The following BPIFB6 variants were observed in gnomAD, a reference collection of about 807,000 sequenced individuals.
The protein encoded by BPIFB6 is BPI fold containing family B member 6.
Under a neutral mutation model 54.7 loss-of-function variants are expected in BPIFB6, and 47 were observed. The ratio of observed to expected loss-of-function variants is 0.86; its 90% CI spans 0.68 to 1.10. The LOEUF (loss-of-function observed/expected upper bound fraction) is 1.10. BPIFB6 is among the 50% of genes least tolerant of loss of function. The pLI, the probability that BPIFB6 is intolerant of heterozygous loss-of-function variation, is 0.00. For missense variants in BPIFB6, 603 were observed against 564.1 expected, an observed-to-expected ratio of 1.07 and a Z score of -0.70; for synonymous variants, 255 against 225.9, an observed-to-expected ratio of 1.13 and a Z score of -1.16.
chr20:33,032,837 C>T, intron 1 of BPIFB6, 147 bp from the exon 2 acceptor site: 1 of 612,630 alleles, frequency 1.6e-6, no homozygotes. Flanking sequence ...ACTCCATCTT[C>T]CCCCATTAGG....
Position 33,042,035 on chromosome 20 carries a change from TTGCC to T in BPIFB6, c.1188+23_1188+26del. On this transcript the variant is annotated intron_variant, in intron 12 of 14. Transcript: ENST00000349552. ...TTCAATGTAAGTGTCCCAAGTGCTCTTGCCTGTCCGGCGTGAGGACAAGACTGGG... is the reference window on the plus strand; with the variant it reads ...TTCAATGTAAGTGTCCCAAGTGCTCTTGTCCGGCGTGAGGACAAGACTGGG... 1 of 1,611,504 alleles carries T rather than the reference TTGCC, an allele frequency of 6.2e-7. No individual in the cohort carries two copies. The highest frequency in any genetic ancestry group is 2.2e-5 in the East Asian group (1 of 44,860).
chr20:33,033,004 G>A lies in BPIFB6; in HGVS notation c.118G>A (p.Glu40Lys), dbSNP rs1392111589. ...TCCAGAGGTCCAGAGCGCCATGGAT[G>A]AGAGTCATATCCTGGAGAAGATGGC... The part of the protein sequence containing the change: ...IMNQVQSAMD[E>K]SHILEKMAAE... The change falls in exon 2 of 15, where the codon GAG becomes AAG. Residue 40 changes from glutamate (E) to lysine (K), a missense_variant. Coordinates refer to ENST00000349552, the MANE Select transcript of BPIFB6 (RefSeq NM_174897.2). 1 of 1,613,872 alleles carries A rather than the reference G, an allele frequency of 6.2e-7. No individual in the cohort carries two copies. Among genetic ancestry groups the A allele is most frequent in the African/African-American group, 1.3e-5 (1 of 74,920 alleles).
chr20:33,033,109 G>A (rs1174266884), intron 2 of BPIFB6, 26 bp downstream of exon 2: 3 of 1,566,512 alleles, frequency 1.9e-6, no homozygotes, highest in East Asian at 4.5e-5. Context: ...GAGCTGGAGG[G>A]TGGTGGTTAG....
intron 5 of BPIFB6, 61 bp downstream of exon 5, chr20:33,035,205 C>G: frequency 2.6e-6 from 4 of 1,533,548 alleles, no homozygotes; most frequent in Non-Finnish European, 2.7e-6. Context: ...CCAGGGCTGG[C>G]AAATGCATTT....
chr20:33,034,418 C>T (rs931679286), intron 3 of BPIFB6, 128 bp downstream of exon 3: 1 of 734,986 alleles, frequency 1.4e-6, no homozygotes, highest in Non-Finnish European at 2.4e-6. Flanking sequence ...TAGACTTGGT[C>T]CCTACCTTTG....
rs1163176194 is a variant in BPIFB6, at chr20:33,035,641, G to A, written c.546G>A (p.Val182=). 2 of 1,614,074 alleles carry A rather than the reference G, an allele frequency of 1.2e-6. No homozygotes were observed. Among genetic ancestry groups the A allele is most frequent in the African/African-American group, 2.7e-5 (2 of 74,906 alleles). The change falls in exon 6 of 15, where the codon GTG becomes GTA. Residue 182 remains valine, a synonymous_variant. Transcript: ENST00000349552. ...GTCCCGCCATCGATGCAGTCCTGGT[G>A]TATGTGAACAGGAAGTGGACCAACC... The part of the protein sequence containing the change: ...LMCPAIDAVL[V]YVNRKWTNLS...
chr20:33,032,098 C>G (rs1979127073), intron 1 of BPIFB6, among the ~76,000 whole-genome samples: 1 of 152,192 alleles, frequency 6.6e-6, no homozygotes, highest in Admixed American at 6.5e-5. Context: ...AGGCAAGTTA[C>G]TTGGCCTCCC....
intron 3 of BPIFB6, 49 bp downstream of exon 3, chr20:33,034,339 C>T (rs1422856018): frequency 1.6e-6 from 2 of 1,256,318 alleles, no homozygotes; most frequent in South Asian, 2.4e-5. Flanking sequence ...GCCTTCCTGT[C>T]TCATCCTTAC....
Position 33,036,543 on chromosome 20 carries a change from G to A in BPIFB6, c.669+7G>A, listed in dbSNP as rs747563291. On this transcript the variant is annotated splice_region_variant and intron_variant, in intron 7 of 14. Transcript: ENST00000349552. Reference sequence around the variant, plus strand: ...CATCCAACTGGACTTCAGTGTAAGCGCCTAGGGCCACCTGGGAGCTGGGGT... The same window carrying A: ...CATCCAACTGGACTTCAGTGTAAGCACCTAGGGCCACCTGGGAGCTGGGGT... 21 of 1,612,412 alleles carry A rather than the reference G, an allele frequency of 1.3e-5. No individual in the cohort carries two copies. The highest frequency in any genetic ancestry group is 3.3e-5 in the Admixed American group (2 of 59,992).
At chr20:33,038,470 C>T (rs1224668931) in intron 8 of BPIFB6, among the ~76,000 whole-genome samples, 1 of 152,168 alleles carries the variant, frequency 6.6e-6, no homozygotes, top group Non-Finnish European at 1.5e-5. Context: ...CATCCACCCA[C>T]CCATCTTTCC....
At position 33,041,992 on chromosome 20, in the gene BPIFB6, T is replaced by G; in HGVS notation, c.1165T>G (p.Ser389Ala). The G allele has an allele frequency of 6.2e-7, 1 of 1,614,094 alleles. No individual in the cohort carries two copies. The highest frequency in any genetic ancestry group is 8.5e-7 in the Non-Finnish European group (1 of 1,180,000). ...CAGATTACTGAGCTTGTCCCGGAAGTCCTCATCGATTGGCAACTTCAATGT... is the reference window on the plus strand; with the variant it reads ...CAGATTACTGAGCTTGTCCCGGAAGGCCTCATCGATTGGCAACTTCAATGT... ...LDRLLSLSRKSSSIGNFNERE... is the reference protein window; with the variant it reads ...LDRLLSLSRKASSIGNFNERE... Residue 389 changes from serine (S) to alanine (A), a missense_variant, in exon 12 of 15, where the codon TCC (serine) becomes GCC (alanine). Transcript: ENST00000349552.
At chr20:33,033,109 G>T in intron 2 of BPIFB6, 26 bp downstream of exon 2, 1 of 1,566,512 alleles carries the variant, frequency 6.4e-7, no homozygotes, top group Non-Finnish European at 8.8e-7. Flanking sequence ...GAGCTGGAGG[G>T]TGGTGGTTAG....
intron 2 of BPIFB6, 148 bp from the exon 3 acceptor site, chr20:33,034,038 A>G: frequency 1.5e-6 from 1 of 677,188 alleles, no homozygotes; most frequent in Non-Finnish European, 2.7e-6. Flanking sequence ...TGCATTTCAT[A>G]ATGGCCCCAT....
chr20:33,040,656 G>C (rs1417855472), intron 11 of BPIFB6, among the ~76,000 whole-genome samples: 2 of 152,188 alleles, frequency 1.3e-5, no homozygotes, highest in Admixed American at 1.3e-4. Context: ...TCAGGGTCCA[G>C]CTCAAATGCC....
chr20:33,042,064 G>T, intron 12 of BPIFB6, 49 bp downstream of exon 12: 1 of 1,574,854 alleles, frequency 6.3e-7, no homozygotes, highest in South Asian at 1.1e-5. Flanking sequence ...ACAAGACTGG[G>T]CCTATTCTCC....
chr20:33,034,983 G>A, intron 4 of BPIFB6, 71 bp downstream of exon 4: 1 of 1,606,342 alleles, frequency 6.2e-7, no homozygotes. Context: ...CACTTCCTGA[G>A]CCATGGAACC....
chr20:33,040,732 T>C (rs1383446072), intron 11 of BPIFB6, among the ~76,000 whole-genome samples: 1 of 152,254 alleles, frequency 6.6e-6, no homozygotes, highest in Admixed American at 6.5e-5. Flanking sequence ...GCTCTCTCTA[T>C]ATGTGAGGCA....
intron 9 of BPIFB6, 132 bp downstream of exon 9, chr20:33,039,094 T>A: frequency 1.7e-6 from 2 of 1,177,030 alleles, no homozygotes; most frequent in Non-Finnish European, 2.4e-6. Context: ...ACATCTTTTC[T>A]TCTTTATAAA....
In BPIFB6 at chr20:33,037,722, A is replaced by G; in HGVS notation, c.830A>G (p.Asn277Ser). Residue 277 changes from asparagine (N) to serine (S), a missense_variant, in exon 8 of 15, where the codon AAT becomes AGT. By Grantham distance (46) the Asn-to-Ser change is conservative. Transcript: ENST00000349552. The part of the protein sequence containing the change: ...LALLQKSFHV[N>S]IQDTMIGELP... Reference sequence around the variant, plus strand: ...CTTCTGCAGAAGTCCTTTCATGTGAATATCCAGGATACAATGGTGAGCTGT... The same window carrying G: ...CTTCTGCAGAAGTCCTTTCATGTGAGTATCCAGGATACAATGGTGAGCTGT... 2 of 1,614,140 alleles carry G rather than the reference A, an allele frequency of 1.2e-6. No homozygotes were observed. The highest frequency in any genetic ancestry group is 1.7e-6 in the Non-Finnish European group (2 of 1,180,026).
Sources: gnomAD v4.1 joint callset for allele counts (sites outside exome capture counted in the v4.1 genomes callset) on GRCh38, gnomAD v4.1.1 for gene constraint, MANE v1.5 for transcripts, NCBI Gene and HGNC (gene_info 2026-07-23, HGNC 2026-07-21) for gene names.